BTRC: variants seen among roughly 807,000 people sequenced by gnomAD.
BTRC encodes the protein F-box/WD repeat-containing protein 1A.
Under a neutral mutation model 85.5 loss-of-function variants are expected in BTRC, and 42 were observed. That is an observed-to-expected ratio of 0.49 (90% CI 0.38 to 0.64). The LOEUF is 0.64. BTRC is among the 30% of genes least tolerant of loss of function. BTRC has a pLI of 0.00. For missense variants in BTRC, 594 were observed against 743.5 expected, an observed-to-expected ratio of 0.80 and a Z score of 2.34; for synonymous variants, 255 against 263.3, an observed-to-expected ratio of 0.97 and a Z score of 0.30.
At chr10:101,469,073 T>C (rs1945454016) in intron 3 of BTRC, among the ~76,000 whole-genome samples, 1 of 152,232 alleles carries the variant, frequency 6.6e-6, no homozygotes, top group African/African-American at 2.4e-5. Flanking sequence ...ATATGCGATA[T>C]AAAAACGTAT....
At chr10:101,369,038 A>G (rs939637269) in intron 1 of BTRC, among the ~76,000 whole-genome samples, 8 of 151,910 alleles carry the variant, frequency 5.3e-5, no homozygotes, top group African/African-American at 1.9e-4. Flanking sequence ...TAATAATAAC[A>G]TCGTCTTTTT....
chr10:101,389,609 CCTT>C (rs2133978952), intron 1 of BTRC, among the ~76,000 whole-genome samples: 2 of 112,332 alleles, frequency 1.8e-5, no homozygotes, highest in Admixed American at 1.0e-4. Context: ...TTGCCAAACA[CCTT>C]TTTTTTTTTT....
chr10:101,451,802 G>A (rs1032015674), intron 2 of BTRC, among the ~76,000 whole-genome samples: 9 of 152,046 alleles, frequency 5.9e-5, no homozygotes, highest in African/African-American at 2.2e-4. Context: ...AATTAACATC[G>A]AGATGATGAA....
chr10:101,505,139 G>GTA (rs1204502307), intron 4 of BTRC, among the ~76,000 whole-genome samples: 19 of 4,080 alleles, frequency 4.7e-3, no homozygotes, highest in Admixed American at 0.031. Context: ...GTATATATAT[G>GTA]TATATATATA....
chr10:101,415,264 A>G (rs189339666), intron 1 of BTRC, among the ~76,000 whole-genome samples: 3 of 151,630 alleles, frequency 2.0e-5, no homozygotes, highest in Non-Finnish European at 4.4e-5. Flanking sequence ...CAGCCTCCAC[A>G]TTCCAGGCTG....
chr10:101,532,332 T>C lies in BTRC; in HGVS notation c.878T>C (p.Leu293Ser), dbSNP rs763327006. The C allele has an allele frequency of 6.2e-7, 1 of 1,613,734 alleles. No individual in the cohort carries two copies. Among genetic ancestry groups the C allele is most frequent in the South Asian group, 1.1e-5 (1 of 90,986 alleles). ...AATTGGAGATGTGGAAGACATAGTTTACAGAGAATTCACTGCCGAAGTGAA... is the reference window on the plus strand; with the variant it reads ...AATTGGAGATGTGGAAGACATAGTTCACAGAGAATTCACTGCCGAAGTGAA... ...ESNWRCGRHSLQRIHCRSETS... is the reference protein window; with the variant it reads ...ESNWRCGRHSSQRIHCRSETS... The change falls in exon 8 of 15, where the codon TTA becomes TCA. Residue 293 changes from leucine to serine, a missense_variant. Physicochemically the swap from Leu to Ser is moderately radical, Grantham distance 145. Around this residue, in one of 4 missense-constraint regions of BTRC, gnomAD observed 373 missense variants for 503.6 expected, o/e 0.74. Coordinates refer to ENST00000370187, the MANE Select transcript of BTRC (RefSeq NM_033637.4).
intron 4 of BTRC, among the ~76,000 whole-genome samples, chr10:101,509,874 A>T (rs559639291): frequency 1.3e-5 from 2 of 151,298 alleles, no homozygotes; most frequent in Non-Finnish European, 1.5e-5. Flanking sequence ...CTTTTTTTTT[A>T]AAGATGCTTT....
intron 5 of BTRC, among the ~76,000 whole-genome samples, chr10:101,522,391 CT>C (rs2062127442): frequency 1.5e-5 from 1 of 67,970 alleles, no homozygotes; most frequent in African/African-American, 4.6e-5. Flanking sequence ...AAAAAAAAAA[CT>C]CTAGAAATAA....
At chr10:101,509,936 G>A (rs901718835) in intron 4 of BTRC, among the ~76,000 whole-genome samples, 3 of 151,644 alleles carry the variant, frequency 2.0e-5, no homozygotes, top group Admixed American at 1.3e-4. Flanking sequence ...GGGAGGCCAA[G>A]ACAGGTGGAT....
At chr10:101,488,007 T>C (rs775948193) in intron 4 of BTRC, among the ~76,000 whole-genome samples, 2 of 152,236 alleles carry the variant, frequency 1.3e-5, no homozygotes, top group African/African-American at 2.4e-5. Flanking sequence ...ACTGTAATTC[T>C]ATCAGGAGTC....
intron 2 of BTRC, among the ~76,000 whole-genome samples, chr10:101,455,983 AACACACACACACACACAC>A (rs745628596): frequency 2.1e-5 from 2 of 96,000 alleles, no homozygotes; most frequent in African/African-American, 9.1e-5. Context: ...CTCTACTAAA[AACACACACACACACACAC>A]ACACACACAC....
intron 4 of BTRC, among the ~76,000 whole-genome samples, chr10:101,506,184 G>A (rs891007509): frequency 2.2e-4 from 34 of 152,154 alleles, no homozygotes; most frequent in African/African-American, 7.5e-4. Context: ...AAGTGCTGGG[G>A]TTACAGGCGT....
chr10:101,551,015 G>C (rs1388104416), intron 14 of BTRC, 124 bp downstream of exon 14: 3 of 887,078 alleles, frequency 3.4e-6, no homozygotes, highest in African/African-American at 1.7e-5. Context: ...AGCCGAGGAA[G>C]CAGACAATGT....
intron 4 of BTRC, among the ~76,000 whole-genome samples, chr10:101,505,155 A>ATAGATG (rs1946496867): frequency 9.6e-6 from 1 of 104,390 alleles, no homozygotes; most frequent in Admixed American, 1.1e-4. Flanking sequence ...ATATATGTAT[A>ATAGATG]TGTATATATA....
chr10:101,362,831 TAAA>T (rs1345675437), intron 1 of BTRC, among the ~76,000 whole-genome samples: 1 of 152,104 alleles, frequency 6.6e-6, no homozygotes, highest in African/African-American at 2.4e-5. Flanking sequence ...GAGACCACAA[TAAA>T]AAATAACAAT....
At chr10:101,532,096 A>G (rs1044451542) in intron 7 of BTRC, among the ~76,000 whole-genome samples, 199 bp from the exon 8 acceptor site, 2 of 152,244 alleles carry the variant, frequency 1.3e-5, no homozygotes, top group Non-Finnish European at 2.9e-5. Context: ...GTTCTAGGAA[A>G]CAACCTTTAA....
chr10:101,398,447 T>G (rs1175429166), intron 1 of BTRC, among the ~76,000 whole-genome samples: 2 of 151,794 alleles, frequency 1.3e-5, no homozygotes, highest in African/African-American at 2.4e-5. Context: ...GGACTACAGG[T>G]GCCCGACACT....
intron 1 of BTRC, among the ~76,000 whole-genome samples, chr10:101,403,738 G>A (rs1432461536): frequency 6.6e-6 from 1 of 151,544 alleles, no homozygotes; most frequent in Non-Finnish European, 1.5e-5. Flanking sequence ...CTACAGGAAT[G>A]TGCCACCAGG....
chr10:101,442,086 T>C (rs1007117972), intron 2 of BTRC, among the ~76,000 whole-genome samples: 1 of 152,142 alleles, frequency 6.6e-6, no homozygotes, highest in African/African-American at 2.4e-5. Context: ...GAAAAGCATA[T>C]GTAAGCACTT....
Sources: gnomAD v4.1 joint callset for allele counts (sites outside exome capture counted in the v4.1 genomes callset) on GRCh38, gnomAD v4.1.1 for gene constraint, gnomAD v4.1.1 regional missense constraint, MANE v1.5 for transcripts, NCBI Gene and HGNC (gene_info 2026-07-23, HGNC 2026-07-21) for gene names.